The following GLT1D1 variants were observed in gnomAD, a reference collection of about 807,000 sequenced individuals.
The protein encoded by GLT1D1 is glycosyltransferase 1 domain-containing protein 1.
GLT1D1 carries 21 observed loss-of-function variants against 28.7 expected under a neutral mutation model. The ratio of observed to expected loss-of-function variants is 0.73; its 90% CI spans 0.52 to 1.05. The LOEUF (loss-of-function observed/expected upper bound fraction) is 1.05. Ranked by LOEUF, GLT1D1 falls within the 50% of genes least tolerant of loss-of-function variation. The probability of loss-of-function intolerance (pLI) is 0.00; values close to 1 mark genes in which losing one functional copy is unlikely to be tolerated. For synonymous variants in GLT1D1, 147 were observed against 124.8 expected (o/e 1.18, Z -1.19); for missense variants, 343 against 330.6 (o/e 1.04, Z -0.29).
At chr12:128,947,930 G>A (rs548608290) in intron 6 of GLT1D1, among the ~76,000 whole-genome samples, 120 of 152,312 alleles carry the variant, frequency 7.9e-4, no homozygotes, top group Admixed American at 1.8e-3. Context: ...CGTAGATGAC[G>A]GGGTGGCGTG....
rs547773659 is a variant in GLT1D1 at position 128,894,185 on chromosome 12, G to A, written c.324-5051G>A. Among the ~76,000 whole-genome samples, 5 of 152,204 alleles carry A rather than the reference G, an allele frequency of 3.3e-5. No homozygotes were observed. The South Asian group carries it at 1.0e-3, about 32-fold the overall frequency. ...TGGATTATGAAAGTGGGCCTTGGTG[G>A]GAAGTCCAGCGTGAGATCCTCTCCG... is the stretch of plus-strand genomic sequence containing the variant. On this transcript the variant is annotated intron_variant, in intron 3 of 7. Coordinates refer to ENST00000281703, the MANE Select transcript of GLT1D1 (RefSeq NM_144669.3).
chr12:128,879,419 T>TTTCTTTCC, intron 2 of GLT1D1, among the ~76,000 whole-genome samples: 1 of 104,260 alleles, frequency 9.6e-6, no homozygotes, highest in Admixed American at 1.0e-4. Context: ...TCTTTCTTTC[T>TTTCTTTCC]TTCTTTCTTT....
intron 4 of GLT1D1, among the ~76,000 whole-genome samples, chr12:128,934,263 G>A (rs470712): frequency 0.14 from 20,260 of 147,150 alleles, 1,531 homozygotes; most frequent in South Asian, 0.26. Flanking sequence ...GATTGAAGTG[G>A]CACGATCTCG....
chr12:128,964,275 C>T (rs1878242181), intron 7 of GLT1D1, among the ~76,000 whole-genome samples: 1 of 152,154 alleles, frequency 6.6e-6, no homozygotes, highest in Non-Finnish European at 1.5e-5. Flanking sequence ...CCCAGCTACT[C>T]GAGAGGCTGA....
chr12:128,957,607 G>A lies in GLT1D1; in HGVS notation c.603G>A (p.Lys201=). 6.2e-7 allele frequency: 1 copy of A among 1,613,806 alleles called. No homozygotes were observed. The highest frequency in any genetic ancestry group is 8.5e-7 in the Non-Finnish European group (1 of 1,179,690). The stretch of plus-strand genomic sequence containing the variant: ...TCCCCGGGAATGCTGCCGTGGTGAA[G>A]CATGAAGTCACAGGGCTACTGTTTT... Residue 201 remains lysine (K), a synonymous_variant, in exon 7 of 8, where the codon AAG becomes AAA. Transcript: ENST00000281703.
chr12:128,968,801 T>C (rs1346487341), intron 7 of GLT1D1, among the ~76,000 whole-genome samples: 1 of 152,004 alleles, frequency 6.6e-6, no homozygotes, highest in Non-Finnish European at 1.5e-5. Context: ...AGAGGGTGGG[T>C]CCCTTGCCTC....
At chr12:128,957,740 C>T (rs1170027734) in intron 7 of GLT1D1, 97 bp downstream of exon 11, 1 of 807,308 alleles carries the variant, frequency 1.2e-6, no homozygotes, top group East Asian at 2.9e-5. Context: ...CTTAGTATTC[C>T]TGTCCTACCC....
intron 1 of GLT1D1, among the ~76,000 whole-genome samples, chr12:128,855,108 T>C (rs1392343647): frequency 1.3e-5 from 2 of 150,838 alleles, no homozygotes; most frequent in Non-Finnish European, 2.9e-5. Flanking sequence ...AAAGCAAAAC[T>C]AGGAGGCTGA....
At chr12:128,886,280 C>G (rs1226314869) in intron 2 of GLT1D1, among the ~76,000 whole-genome samples, 1 of 152,152 alleles carries the variant, frequency 6.6e-6, no homozygotes, top group African/African-American at 2.4e-5. Flanking sequence ...AATACAGTCC[C>G]TTTGTGGCAA....
At chr12:128,869,386 T>C (rs1400347380) in intron 1 of GLT1D1, among the ~76,000 whole-genome samples, 1 of 152,122 alleles carries the variant, frequency 6.6e-6, no homozygotes, top group Non-Finnish European at 1.5e-5. Flanking sequence ...CCCGGGCTGG[T>C]CTCAAACTCC....
chr12:128,933,301 C>T (rs1314660963), intron 4 of GLT1D1, among the ~76,000 whole-genome samples: 2 of 152,274 alleles, frequency 1.3e-5, no homozygotes, highest in East Asian at 3.9e-4. Flanking sequence ...GCAGGCGGAG[C>T]CGAGTCCCGC....
At chr12:128,925,079 A>G (rs1236210216) in intron 4 of GLT1D1, among the ~76,000 whole-genome samples, 3 of 151,922 alleles carry the variant, frequency 2.0e-5, no homozygotes, top group Non-Finnish European at 2.9e-5. Flanking sequence ...TTGAGGTACA[A>G]TTAATGAAAT....
intron 7 of GLT1D1, among the ~76,000 whole-genome samples, chr12:128,962,061 C>G (rs1406440965): frequency 3.7e-5 from 5 of 134,356 alleles, no homozygotes; most frequent in African/African-American, 1.4e-4. Flanking sequence ...CCTATGGCGG[C>G]CCCATGTCTG....
rs879802780 is a variant in GLT1D1 at position 128,973,938 on chromosome 12, GGT to G, written c.640-8979_640-8978del. ...GTAGGGGGTGTGTGTGTGTGTGTAG[GGT>G]GTGTGTGTGTGGGGGGGGCGCTTGG... On this transcript the variant is annotated intron_variant, in intron 7 of 7. Coordinates refer to ENST00000281703, the MANE Select transcript of GLT1D1 (RefSeq NM_144669.3). Among the ~76,000 whole-genome samples the G allele has an allele frequency of 5.0e-3, 499 of 98,864 alleles. 5 individuals carry two copies. The highest frequency in any genetic ancestry group is 0.023 in the Middle Eastern group (5 of 222). 64.9% of individuals were successfully genotyped at this position (98,864 alleles called of 152,430 possible).
At chr12:128,861,146 G>T (rs188439863) in intron 1 of GLT1D1, among the ~76,000 whole-genome samples, 1 of 152,306 alleles carries the variant, frequency 6.6e-6, no homozygotes, top group East Asian at 1.9e-4. Flanking sequence ...TAAAACCAGG[G>T]CGACAAACTG....
At chr12:128,911,672 AACGTC>A (rs1378179302) in intron 4 of GLT1D1, among the ~76,000 whole-genome samples, 1 of 152,112 alleles carries the variant, frequency 6.6e-6, no homozygotes, top group African/African-American at 2.4e-5. Context: ...TTTCCATCTA[AACGTC>A]ACCTTAAAAA....
At chr12:128,907,584 C>T (rs1363130218) in intron 4 of GLT1D1, among the ~76,000 whole-genome samples, 2 of 152,200 alleles carry the variant, frequency 1.3e-5, no homozygotes, top group African/African-American at 2.4e-5. Context: ...GGATTACAGG[C>T]GTAAGCCACC....
chr12:128,866,961 C>G (rs1245019225), intron 1 of GLT1D1, among the ~76,000 whole-genome samples: 2 of 152,118 alleles, frequency 1.3e-5, no homozygotes, highest in South Asian at 2.1e-4. Context: ...CCCTGCCCAC[C>G]CTTCTCAAAT....
chr12:128,949,493 C>T (rs866826989), intron 6 of GLT1D1, among the ~76,000 whole-genome samples: 3 of 152,098 alleles, frequency 2.0e-5, no homozygotes, highest in Admixed American at 6.6e-5. Context: ...AAGGAAGTGA[C>T]CTTTTGACCT....
Sources: allele counts gnomAD v4.1 joint callset (sites outside exome capture counted in the v4.1 genomes callset), GRCh38; gene constraint gnomAD v4.1.1; transcripts MANE v1.5; gene names NCBI Gene and HGNC (gene_info 2026-07-23, HGNC 2026-07-21).